The following APMAP variants were observed in gnomAD, a reference collection of about 807,000 sequenced individuals.
The protein encoded by APMAP is adipocyte plasma membrane-associated protein.
A neutral mutation model predicts 43.6 loss-of-function variants in APMAP; 33 were observed. That is an observed-to-expected ratio of 0.76 (90% CI 0.57 to 1.01). The LOEUF is 1.01. Ranked by LOEUF, APMAP falls within the 50% of genes least tolerant of loss-of-function variation. The pLI is 0.00. For synonymous variants in APMAP, 224 were observed against 216.7 expected, an observed-to-expected ratio of 1.03 and a Z score of -0.30; for missense variants, 498 against 540.7, an observed-to-expected ratio of 0.92 and a Z score of 0.78.
intron 8 of APMAP, chr20:24,964,458 G>A: frequency 2.1e-6 from 1 of 472,124 alleles, no homozygotes; most frequent in South Asian, 1.5e-5. Context: ...AGGTGCAAAT[G>A]ATGGAGATTT....
chr20:24,968,297 T>A (rs1054283415), intron 8 of APMAP, among the ~76,000 whole-genome samples: 1 of 151,960 alleles, frequency 6.6e-6, no homozygotes, highest in Non-Finnish European at 1.5e-5. Flanking sequence ...TGGGGGTGGG[T>A]GACTTTTTTT....
intron 3 of APMAP, among the ~76,000 whole-genome samples, chr20:24,977,508 G>C (rs749237911): frequency 1.3e-5 from 2 of 152,170 alleles, no homozygotes; most frequent in African/African-American, 2.4e-5. Flanking sequence ...CCAGCCCCCA[G>C]GACAGCTTCC....
At chr20:24,987,015 A>G (rs769825605) in intron 1 of APMAP, among the ~76,000 whole-genome samples, 25 of 152,220 alleles carry the variant, frequency 1.6e-4, no homozygotes, top group Admixed American at 1.1e-3. Context: ...TCTTTCATTC[A>G]GTGTGTTTTC....
chr20:24,987,393 C>G (rs1367970651), intron 1 of APMAP, among the ~76,000 whole-genome samples: 1 of 152,118 alleles, frequency 6.6e-6, no homozygotes, highest in East Asian at 1.9e-4. Context: ...CAAAGTGCAC[C>G]CTGAGATGAG....
In APMAP at chr20:24,963,639, T is replaced by A. The variant is rs757414975; in HGVS notation, c.*174A>T. On this transcript the variant is annotated 3_prime_UTR_variant, in exon 9 of 9. Transcript: ENST00000217456. ...CTCTAAACAGAAAGACAAGCCCAGGTGGGGCCCGGGCATCCTCGAGGAATG... is the reference window on the plus strand; with the variant it reads ...CTCTAAACAGAAAGACAAGCCCAGGAGGGGCCCGGGCATCCTCGAGGAATG... 3 of 662,238 alleles carry A rather than the reference T, an allele frequency of 4.5e-6. No individual in the cohort carries two copies. Among genetic ancestry groups the A allele is most frequent in the Non-Finnish European group, 7.8e-6 (3 of 386,330 alleles). The allele number at this position is 662,238 out of a possible 1,614,324, so 41.0% of individuals were successfully genotyped here.
At chr20:24,991,867 C>T (rs914368084) in intron 1 of APMAP, among the ~76,000 whole-genome samples, 3 of 152,206 alleles carry the variant, frequency 2.0e-5, no homozygotes, top group Non-Finnish European at 4.4e-5. Flanking sequence ...TTCTTATATT[C>T]TGAAAGATGG....
chr20:24,984,786 T>G (rs2088133720), intron 1 of APMAP, among the ~76,000 whole-genome samples: 1 of 152,220 alleles, frequency 6.6e-6, no homozygotes, highest in Non-Finnish European at 1.5e-5. Flanking sequence ...ACATACAGTA[T>G]CTCTCATCTG....
At chr20:24,966,015 T>TATGCATCGTGTGA (rs2087939415) in intron 8 of APMAP, among the ~76,000 whole-genome samples, 2 of 152,198 alleles carry the variant, frequency 1.3e-5, no homozygotes, top group Admixed American at 6.5e-5. Flanking sequence ...ATCGTGTGCT[T>TATGCATCGTGTGA]GTACTCCCAG....
rs200046619 is a variant in APMAP, at chr20:24,971,499, C to T, written c.499G>A (p.Asp167Asn). 377 of 1,614,050 alleles carry T rather than the reference C, an allele frequency of 2.3e-4. No homozygotes were observed. The highest frequency in any genetic ancestry group is 3.0e-4 in the Non-Finnish European group (357 of 1,180,008). Residue 167 changes from aspartate to asparagine, a missense_variant, in exon 5 of 9, where the codon GAT (aspartate) becomes AAT (asparagine). By Grantham distance (23) the Asp-to-Asn change is conservative. Transcript: ENST00000217456. ...ACTTCAAATAGTCCCTTGTATGCAT[C>T]GGCCACAAAGAGAGTCCCATTGGGC... ...AGPNGTLFVA[D>N]AYKGLFEVNP...
chr20:24,972,013 GGTGCTTACTGCAGGGTGTTTGTGTAGA>G (rs1445717125), intron 4 of APMAP, among the ~76,000 whole-genome samples: 1 of 150,218 alleles, frequency 6.7e-6, no homozygotes. Context: ...GCTCACTACA[GGTGCTTACTGCAGGGTGTTTGTGTAGA>G]GTGCTCACTG....
intron 8 of APMAP, among the ~76,000 whole-genome samples, chr20:24,964,859 C>G (rs932623831): frequency 6.6e-6 from 1 of 152,068 alleles, no homozygotes; most frequent in Non-Finnish European, 1.5e-5. Context: ...TTCAAGCAGA[C>G]AGACAAGCTG....
chr20:24,973,767 C>G (rs781054673), intron 3 of APMAP, 30 bp from the exon 4 acceptor site: 2 of 1,596,696 alleles, frequency 1.3e-6, no homozygotes, highest in Non-Finnish European at 1.7e-6. Context: ...GGAGGAAGAG[C>G]AATGTTAGCC....
Position 24,992,728 on chromosome 20 carries a change from C to T in APMAP, c.-40G>A, listed in dbSNP as rs759446335. 1.8e-5 allele frequency: 25 copies of T among 1,422,798 alleles called. No individual in the cohort carries two copies. Among genetic ancestry groups the T allele is most frequent in the Non-Finnish European group, 2.2e-5 (24 of 1,073,052 alleles). The allele number at this position is 1,422,798 out of a possible 1,614,324, so 88.1% of individuals were successfully genotyped here. ...CCTCACCCGCAGAAACCACCTCACA[C>T]TGAGCGGCGCCGGCTCAGACTCCAG... On this transcript the variant is annotated 5_prime_UTR_variant, in exon 1 of 9. The change creates a new upstream start codon in the 5' untranslated region. Transcript: ENST00000217456.
Position 24,964,147 on chromosome 20 carries a change from G to A in APMAP, c.1042-125C>T, listed in dbSNP as rs532361283. On this transcript the variant is annotated intron_variant, in intron 8 of 8. Coordinates refer to ENST00000217456, the MANE Select transcript of APMAP (RefSeq NM_020531.3). ...CTTCCCATGACAGGGCAGCCCCACA[G>A]GGCAGTGCCCCACAGGACAGCTAAT... 3 of 1,023,658 alleles carry A rather than the reference G, an allele frequency of 2.9e-6. No individual in the cohort carries two copies. The East Asian group carries it at 7.8e-5, about 27-fold the overall frequency. 63.4% of individuals were successfully genotyped at this position (1,023,658 alleles called of 1,614,324 possible).
At position 24,983,886 on chromosome 20, in the gene APMAP, A is replaced by G. The variant is rs1376851501; in HGVS notation, c.212+17T>C. 1.3e-6 allele frequency: 2 copies of G among 1,559,638 alleles called. No homozygotes were observed. Among genetic ancestry groups the G allele is most frequent in the East Asian group, 2.3e-5 (1 of 44,158 alleles). ...TTTTGTCAAGCAACCCCTCCTGAGG[A>G]CTGCGGGGCAGCCTACCTGAGAGGC... On this transcript the variant is annotated intron_variant, in intron 2 of 8. Coordinates refer to ENST00000217456, the MANE Select transcript of APMAP (RefSeq NM_020531.3).
At chr20:24,972,011 C>T (rs988894404) in intron 4 of APMAP, among the ~76,000 whole-genome samples, 2 of 139,840 alleles carry the variant, frequency 1.4e-5, no homozygotes, top group African/African-American at 2.8e-5. Flanking sequence ...GTGCTCACTA[C>T]AGGTGCTTAC....
At chr20:24,968,053 G>A (rs558413043) in intron 8 of APMAP, among the ~76,000 whole-genome samples, 32 of 152,278 alleles carry the variant, frequency 2.1e-4, no homozygotes, top group African/African-American at 4.3e-4. Context: ...TTTCCATATC[G>A]GTTCAAATAT....
intron 1 of APMAP, 131 bp from the exon 2 acceptor site, chr20:24,984,150 TG>T: frequency 1.6e-6 from 1 of 639,792 alleles, no homozygotes; most frequent in East Asian, 2.7e-5. Flanking sequence ...GGCCGACCTC[TG>T]GCTTGTGATT....
At chr20:24,969,229 G>T in intron 7 of APMAP, 145 bp from the exon 8 acceptor site, 2 of 966,530 alleles carry the variant, frequency 2.1e-6, no homozygotes, top group Non-Finnish European at 3.0e-6. Flanking sequence ...CAGCTGCTGA[G>T]AAGAAACCTT....
Sources: gnomAD v4.1 joint callset for allele counts (sites outside exome capture counted in the v4.1 genomes callset) on GRCh38, gnomAD v4.1.1 for gene constraint, MANE v1.5 for transcripts, NCBI Gene and HGNC (gene_info 2026-07-23, HGNC 2026-07-21) for gene names.